The following RAF1 variants were observed in gnomAD, a reference collection of about 807,000 sequenced individuals.
RAF1 encodes RAF proto-oncogene serine/threonine-protein kinase.
Under a neutral mutation model 81.1 loss-of-function variants are expected in RAF1, and 27 were observed. That is an observed-to-expected ratio of 0.33 (90% confidence interval 0.25 to 0.46). RAF1 has a LOEUF of 0.46. Among genes scored for constraint, RAF1 ranks in the 20% least tolerant of loss-of-function variants. The probability of loss-of-function intolerance (pLI) is 1.00; values close to 1 mark genes in which losing one functional copy is unlikely to be tolerated. For missense variants in RAF1, 598 were observed against 826.0 expected (o/e 0.72, Z 3.38); for synonymous variants, 298 against 294.0 (o/e 1.01, Z -0.14).
chr3:12,620,826 G>GT (rs1287237234), intron 1 of RAF1, among the ~76,000 whole-genome samples: 1 of 152,114 alleles, frequency 6.6e-6, no homozygotes, highest in East Asian at 1.9e-4. Flanking sequence ...CACCCCAGCA[G>GT]TGGGTAAAAT....
intron 11 of RAF1, among the ~76,000 whole-genome samples, chr3:12,598,725 CAAAAAAAAAAAAA>C (rs59472802): frequency 3.4e-4 from 21 of 61,992 alleles, no homozygotes; most frequent in Non-Finnish European, 6.2e-4. Flanking sequence ...GAATCTATCT[CAAAAAAAAAAAAA>C]AAAAAAAAAA....
chr3:12,602,109 C>T (rs2058878938), intron 8 of RAF1, among the ~76,000 whole-genome samples: 1 of 152,134 alleles, frequency 6.6e-6, no homozygotes, highest in Non-Finnish European at 1.5e-5. Flanking sequence ...TAATTTTCTT[C>T]CCTGTATCAA....
intron 5 of RAF1, among the ~76,000 whole-genome samples, 174 bp from the exon 6 acceptor site, chr3:12,606,473 G>T (rs938911941): frequency 2.6e-5 from 4 of 152,094 alleles, no homozygotes; most frequent in African/African-American, 9.7e-5. Flanking sequence ...CAAATAACTG[G>T]ATTTGAATGA....
chr3:12,663,124 CTT>C (rs1212047962), intron 1 of RAF1, among the ~76,000 whole-genome samples: 3 of 152,214 alleles, frequency 2.0e-5, no homozygotes, highest in African/African-American at 4.8e-5. Context: ...ACCCCTCTCT[CTT>C]GGGCATCGAC....
intron 8 of RAF1, among the ~76,000 whole-genome samples, chr3:12,601,124 G>A (rs1026675996): frequency 4.6e-5 from 7 of 152,190 alleles, no homozygotes; most frequent in Non-Finnish European, 8.8e-5. Flanking sequence ...AAAAAGGTAA[G>A]CAGCCTATAT....
intron 12 of RAF1, among the ~76,000 whole-genome samples, chr3:12,591,362 G>A (rs937152655): frequency 5.3e-5 from 8 of 151,936 alleles, no homozygotes; most frequent in African/African-American, 1.9e-4. Context: ...TCTAAAATAA[G>A]GCAACTCAGC....
At chr3:12,649,779 T>A (rs1363507345) in intron 1 of RAF1, among the ~76,000 whole-genome samples, 1 of 150,650 alleles carries the variant, frequency 6.6e-6, no homozygotes, top group East Asian at 1.9e-4. Flanking sequence ...GTGGGAGGAG[T>A]GCTTGAGCCC....
intron 5 of RAF1, among the ~76,000 whole-genome samples, chr3:12,608,013 G>A (rs929117694): frequency 6.7e-6 from 1 of 149,158 alleles, no homozygotes; most frequent in African/African-American, 2.5e-5. Context: ...AAAAGCTTGT[G>A]CCATTTGTGC....
intron 5 of RAF1, among the ~76,000 whole-genome samples, chr3:12,607,418 C>T (rs1384007168): frequency 3.3e-5 from 5 of 152,204 alleles, no homozygotes; most frequent in East Asian, 3.9e-4. Context: ...AAGGCCAAGG[C>T]GGACAGATTG....
intron 1 of RAF1, among the ~76,000 whole-genome samples, chr3:12,650,453 T>C (rs2060487240): frequency 6.6e-6 from 1 of 152,222 alleles, no homozygotes; most frequent in Non-Finnish European, 1.5e-5. Flanking sequence ...AAATATCTGC[T>C]GAATATCAAT....
intron 11 of RAF1, among the ~76,000 whole-genome samples, chr3:12,594,233 A>T (rs1398062244): frequency 6.6e-6 from 1 of 152,124 alleles, no homozygotes; most frequent in Admixed American, 6.6e-5. Context: ...AGGTAAACTG[A>T]CCCAATGAGG....
At chr3:12,637,846 G>A (rs1264339242) in intron 1 of RAF1, among the ~76,000 whole-genome samples, 1 of 151,996 alleles carries the variant, frequency 6.6e-6, no homozygotes, top group African/African-American at 2.4e-5. Context: ...GAGCAAGACT[G>A]TCTCAAAACA....
intron 1 of RAF1, among the ~76,000 whole-genome samples, chr3:12,642,880 C>G (rs1275155316): frequency 1.3e-5 from 2 of 150,286 alleles, no homozygotes; most frequent in Admixed American, 6.7e-5. Context: ...CAGCAAGACT[C>G]TGTCTCAGAA....
chr3:12,656,908 A>C (rs1333861613), intron 1 of RAF1, among the ~76,000 whole-genome samples: 1 of 151,982 alleles, frequency 6.6e-6, no homozygotes, highest in Non-Finnish European at 1.5e-5. Flanking sequence ...GAGACAGGAG[A>C]ATCACTTGAA....
intron 1 of RAF1, among the ~76,000 whole-genome samples, chr3:12,622,133 A>G (rs2059574087): frequency 6.6e-6 from 1 of 152,180 alleles, no homozygotes; most frequent in African/African-American, 2.4e-5. Flanking sequence ...GGTTACTATG[A>G]GGTCCCTTTT....
chr3:12,644,982 C>G (rs940037964), intron 1 of RAF1, among the ~76,000 whole-genome samples: 1 of 151,570 alleles, frequency 6.6e-6, no homozygotes. Flanking sequence ...GCCTGTAATC[C>G]CAGCTACTCG....
rs117220879 is a variant in RAF1 at position 12,641,426 on chromosome 3, C to A, written c.-27+22387G>T. On this transcript the variant is annotated intron_variant, in intron 1 of 17. Coordinates refer to ENST00000442415, the MANE Select transcript of RAF1 (RefSeq NM_001354689.3). Reference sequence around the variant, plus strand: ...TATGGAGAAAAAATAGTTCCACTTACAGGAAATATAACAATTTCCAAATAT... The same window carrying A: ...TATGGAGAAAAAATAGTTCCACTTAAAGGAAATATAACAATTTCCAAATAT... Among the ~76,000 whole-genome samples the A allele has an allele frequency of 5.3e-4, 78 of 147,550 alleles. 2 individuals are homozygous for A. The East Asian group carries it at 0.013, about 25-fold the overall frequency.
chr3:12,587,959 C>T lies in RAF1; in HGVS notation c.1431-322G>A, dbSNP rs540951903. On this transcript the variant is annotated intron_variant, in intron 13 of 17. Coordinates refer to ENST00000442415, the MANE Select transcript of RAF1 (RefSeq NM_001354689.3). ...GGACCACAGGCATGTGCCACCATGC[C>T]GCCTTTTTTTTTTTTTTTTTTTTTT... 5.3e-4 allele frequency: 91 copies of T among 170,116 alleles called. No individual in the cohort carries two copies. The East Asian group carries it at 9.0e-3, about 17-fold the overall frequency. 10.5% of individuals were successfully genotyped at this position (170,116 alleles called of 1,614,324 possible).
chr3:12,657,993 G>A (rs948408872), intron 1 of RAF1, among the ~76,000 whole-genome samples: 3 of 152,010 alleles, frequency 2.0e-5, no homozygotes, highest in Non-Finnish European at 4.4e-5. Context: ...CATATAAATG[G>A]AATAATTCAA....
Sources: gnomAD v4.1 joint callset for allele counts (sites outside exome capture counted in the v4.1 genomes callset) on GRCh38, gnomAD v4.1.1 for gene constraint, MANE v1.5 for transcripts, NCBI Gene and HGNC (gene_info 2026-07-23, HGNC 2026-07-21) for gene names.